The following DMBT1 variants were observed in gnomAD, a reference collection of about 807,000 sequenced individuals.
The protein encoded by DMBT1 is deleted in malignant brain tumors 1, also known as scavenger receptor cysteine-rich domain-containing protein DMBT1.
A neutral mutation model predicts 252.9 loss-of-function variants in DMBT1; 198 were observed. The ratio of observed to expected loss-of-function variants is 0.78; its 90% CI spans 0.70 to 0.88. DMBT1 has a LOEUF of 0.88. Among genes scored for constraint, DMBT1 ranks in the 40% least tolerant of loss-of-function variants. The probability of loss-of-function intolerance (pLI) is 0.00; values close to 1 mark genes in which losing one functional copy is unlikely to be tolerated. For synonymous variants in DMBT1, 990 were observed against 942.7 expected, an observed-to-expected ratio of 1.05 and a Z score of -0.92; for missense variants, 2,432 against 2,404.7, an observed-to-expected ratio of 1.01 and a Z score of -0.24.
In DMBT1 at chr10:122,589,431, C is replaced by T. The variant is rs182880219; in HGVS notation, c.2107+164C>T. 1.3e-5 allele frequency among the ~76,000 whole-genome samples: 2 copies of T among 148,186 alleles called. 1 individual carries two copies. Among genetic ancestry groups the T allele is most frequent in the Non-Finnish European group, 3.0e-5 (2 of 66,700 alleles). ...AACTGCATGAGTCTTCACCACAGTG[C>T]CAGGTTTTGAGGAGGTCAGAGAGGA... On this transcript the variant is annotated intron_variant, in intron 17 of 55. Coordinates refer to ENST00000338354, the MANE Select transcript of DMBT1 (RefSeq NM_001377530.1).
chr10:122,576,148 C>A (rs1289675454), intron 6 of DMBT1, among the ~76,000 whole-genome samples: 1 of 152,140 alleles, frequency 6.6e-6, no homozygotes, highest in Non-Finnish European at 1.5e-5. Flanking sequence ...TCTCTAGGTC[C>A]CCTCCAGGAT....
chr10:122,639,260 G>A (rs895534590), intron 54 of DMBT1, among the ~76,000 whole-genome samples: 2 of 152,226 alleles, frequency 1.3e-5, no homozygotes, highest in African/African-American at 2.4e-5. Flanking sequence ...GGGTTCAATG[G>A]AAAGCACTTG....
chr10:122,566,583 T>C (rs999791582), intron 2 of DMBT1, among the ~76,000 whole-genome samples: 1 of 152,210 alleles, frequency 6.6e-6, no homozygotes, highest in Non-Finnish European at 1.5e-5. Context: ...GTGCTGGGGT[T>C]ACAGGCATGA....
intron 46 of DMBT1, among the ~76,000 whole-genome samples, 177 bp from the exon 47 acceptor site, chr10:122,629,663 C>A (rs904525435): frequency 2.0e-5 from 3 of 152,216 alleles, no homozygotes; most frequent in African/African-American, 7.2e-5. Flanking sequence ...TGAATCAAAG[C>A]TTCTAATGTT....
intron 20 of DMBT1, 150 bp downstream of exon 20, chr10:122,592,745 G>C: frequency 7.1e-7 from 1 of 1,399,928 alleles, no homozygotes; most frequent in African/African-American, 1.4e-5. Flanking sequence ...GGATCTGTAT[G>C]AATTTTACTA....
intron 8 of DMBT1, among the ~76,000 whole-genome samples, chr10:122,578,512 G>A (rs2097733407): frequency 1.3e-5 from 2 of 152,184 alleles, no homozygotes; most frequent in African/African-American, 2.4e-5. Flanking sequence ...CCCTCTCTCA[G>A]AGAGAGGTGG....
rs554200405 is a variant in DMBT1 at position 122,598,465 on chromosome 10, C to T, written c.2957-309C>T. ...AGCTCCTGAGATGGGGAGAGTCTGG[C>T]CTGCCTACTGTAGCTGTGTAGCTCT... On this transcript the variant is annotated intron_variant, in intron 25 of 55. Coordinates refer to ENST00000338354, the MANE Select transcript of DMBT1 (RefSeq NM_001377530.1). 3.9e-5 allele frequency among the ~76,000 whole-genome samples: 6 copies of T among 152,256 alleles called. No homozygotes were observed. The East Asian group carries it at 1.2e-3, about 29-fold the overall frequency.
intron 40 of DMBT1, among the ~76,000 whole-genome samples, 199 bp downstream of exon 40, chr10:122,617,459 G>C (rs1039038848): frequency 6.6e-6 from 1 of 151,380 alleles, no homozygotes; most frequent in East Asian, 2.0e-4. Flanking sequence ...TGTCTCTCAT[G>C]GGACCCTGTT....
intron 52 of DMBT1, among the ~76,000 whole-genome samples, chr10:122,635,083 G>T (rs1256204914): frequency 1.3e-5 from 2 of 152,186 alleles, no homozygotes; most frequent in Non-Finnish European, 2.9e-5. Flanking sequence ...TATGGGAAAA[G>T]GTTGACCATG....
chr10:122,591,632 T>C (rs2097849991), intron 19 of DMBT1, 115 bp downstream of exon 19: 5 of 1,178,010 alleles, frequency 4.2e-6, no homozygotes, highest in Non-Finnish European at 4.9e-6. Flanking sequence ...CACATCCCTG[T>C]GCGCTGAGTG....
chr10:122,619,897 AC>A (rs1479775903), intron 42 of DMBT1, among the ~76,000 whole-genome samples: 1 of 152,176 alleles, frequency 6.6e-6, no homozygotes, highest in Non-Finnish European at 1.5e-5. Flanking sequence ...GAAACTTGAT[AC>A]CCCTTTGGGC....
At position 122,579,562 on chromosome 10, in the gene DMBT1, T is replaced by C. The variant is rs371773782; in HGVS notation, c.680-16T>C. The C allele has an allele frequency of 8.3e-5, 134 of 1,612,294 alleles. No individual in the cohort carries two copies. Among genetic ancestry groups the C allele is most frequent in the Non-Finnish European group, 1.1e-4 (130 of 1,179,718 alleles). On this transcript the variant is annotated splice_polypyrimidine_tract_variant and intron_variant, in intron 9 of 55. Transcript: ENST00000338354. ...CATGATAGGGATGGATGAAGGGTTC[T>C]TGTGTTCCCCTGTAGGATCTGAATC...
intron 2 of DMBT1, among the ~76,000 whole-genome samples, chr10:122,567,110 T>G (rs2097601384): frequency 2.0e-5 from 3 of 152,248 alleles, no homozygotes; most frequent in Admixed American, 6.5e-5. Context: ...TTGGCCTTGT[T>G]GAGGTCAGTC....
In DMBT1 at chr10:122,643,215, C is replaced by G. The variant is rs1844885366; in HGVS notation, c.7446C>G (p.Phe2482Leu). The change falls in exon 56 of 56, where the codon TTC (phenylalanine) becomes TTG (leucine). Residue 2482 changes from phenylalanine to leucine, a missense_variant. By Grantham distance (22) the Phe-to-Leu change is conservative. This residue lies in a region of DMBT1 where 1,162 missense variants were observed against 1,169.0 expected (regional missense o/e 0.99). Coordinates refer to ENST00000338354, the MANE Select transcript of DMBT1 (RefSeq NM_001377530.1). Reference sequence around the variant, plus strand: ...GGGCCTTCCACTTCCTGAACCGCTTCCCCTCCGTGTACCTGCGTTGTAAAA... The same window carrying G: ...GGGCCTTCCACTTCCTGAACCGCTTGCCCTCCGTGTACCTGCGTTGTAAAA... ...RFRAFHFLNRFPSVYLRCKMV... is the reference protein window; with the variant it reads ...RFRAFHFLNRLPSVYLRCKMV... 2 of 1,613,992 alleles carry G rather than the reference C, an allele frequency of 1.2e-6. No homozygotes were observed. The highest frequency in any genetic ancestry group is 4.5e-5 in the East Asian group (2 of 44,882).
chr10:122,592,698 T>C, intron 20 of DMBT1, 103 bp downstream of exon 20: 2 of 1,531,900 alleles, frequency 1.3e-6, no homozygotes, highest in Non-Finnish European at 1.8e-6. Context: ...TCTTCTATGT[T>C]TCCTATATTT....
intron 46 of DMBT1, among the ~76,000 whole-genome samples, chr10:122,626,359 A>T (rs1357064781): frequency 3.3e-5 from 5 of 152,244 alleles, no homozygotes; most frequent in Non-Finnish European, 1.5e-5. Flanking sequence ...AATCATTTTA[A>T]GTCCCTGTAT....
At chr10:122,562,894 T>A (rs1361920381) in intron 1 of DMBT1, among the ~76,000 whole-genome samples, 4 of 152,166 alleles carry the variant, frequency 2.6e-5, no homozygotes. Context: ...CTCAGAAAGG[T>A]TATTGGCTTG....
Position 122,637,204 on chromosome 10 carries a change from T to A in DMBT1, c.6834T>A (p.Ser2278Arg), listed in dbSNP as rs758052524. The change falls in exon 54 of 56, where the codon AGT (serine) becomes AGA (arginine). Residue 2278 changes from serine (S) to arginine (R), a missense_variant. This residue lies in a region of DMBT1 where 1,162 missense variants were observed against 1,169.0 expected (regional missense o/e 0.99). Transcript: ENST00000338354. Reference sequence around the variant, plus strand: ...TCCAATCCTTGGGCTTTTCTGCCAGTGACCTTGTCATTTCCACCTGGAATG... The same window carrying A: ...TCCAATCCTTGGGCTTTTCTGCCAGAGACCTTGTCATTTCCACCTGGAATG... The part of the protein sequence containing the change: ...SYLQSLGFSA[S>R]DLVISTWNGY... The A allele has an allele frequency of 1.2e-6, 2 of 1,613,926 alleles. No homozygotes were observed. Among genetic ancestry groups the A allele is most frequent in the Admixed American group, 1.7e-5 (1 of 60,008 alleles).
intron 1 of DMBT1, 77 bp from the exon 2 acceptor site, chr10:122,565,890 A>G (rs530143743): frequency 1.5e-5 from 22 of 1,472,104 alleles, no homozygotes; most frequent in Non-Finnish European, 2.0e-5. Context: ...TGTACGGTGA[A>G]GCTAAAGCCA....
Sources: gnomAD v4.1 joint callset for allele counts (sites outside exome capture counted in the v4.1 genomes callset) on GRCh38, gnomAD v4.1.1 for gene constraint, gnomAD v4.1.1 regional missense constraint, MANE v1.5 for transcripts, NCBI Gene and HGNC (gene_info 2026-07-23, HGNC 2026-07-21) for gene names.